CPA6: variants seen among roughly 807,000 people sequenced by gnomAD.
CPA6 encodes carboxypeptidase A6.
In CPA6, 58 loss-of-function variants were observed where a neutral mutation model predicts 63.3. That is an observed-to-expected ratio of 0.92 (90% confidence interval 0.74 to 1.14). The LOEUF is 1.14. Among genes scored for constraint, CPA6 ranks in the 50% most tolerant of loss-of-function variants. The pLI, the probability that CPA6 is intolerant of heterozygous loss-of-function variation, is 0.00. For missense variants in CPA6, 565 were observed against 526.6 expected (o/e 1.07, Z -0.71); for synonymous variants, 185 against 179.0 (o/e 1.03, Z -0.27).
At chr8:67,485,971 A>G (rs963422545) in intron 6 of CPA6, among the ~76,000 whole-genome samples, 2 of 152,312 alleles carry the variant, frequency 1.3e-5, no homozygotes, top group Admixed American at 1.3e-4. Flanking sequence ...TGAGTTTAAA[A>G]TTATCGTGAC....
Position 67,517,971 on chromosome 8 carries a change from C to T in CPA6, c.269G>A (p.Gly90Asp), listed in dbSNP as rs759587569. ...TAAGAAGGCTAACAGGGCTCGGGAA[C>T]CATTTTGGGGGATATGGACATCAGT... ...TVTDVHIPQN[G>D]SRALLAFLQE... Residue 90 changes from glycine to aspartate, a missense_variant, in exon 3 of 11, where the codon GGT becomes GAT. By Grantham distance (94) the Gly-to-Asp change is moderately conservative. Transcript: ENST00000297770. The T allele has an allele frequency of 1.6e-5, 25 of 1,612,762 alleles. No homozygotes were observed. The East Asian group carries it at 5.6e-4, about 36-fold the overall frequency.
chr8:67,693,529 C>T (rs1816854183), intron 1 of CPA6, among the ~76,000 whole-genome samples: 6 of 152,162 alleles, frequency 3.9e-5, no homozygotes, highest in Admixed American at 3.9e-4. Context: ...TCCTAACTCC[C>T]ATGTGATGGT....
chr8:67,739,405 G>A (rs1817872042), intron 1 of CPA6, among the ~76,000 whole-genome samples: 1 of 152,192 alleles, frequency 6.6e-6, no homozygotes, highest in Admixed American at 6.5e-5. Context: ...AGAGCTAGAA[G>A]GAAGTTCCAG....
At chr8:67,604,489 T>C (rs1456831301) in intron 2 of CPA6, among the ~76,000 whole-genome samples, 1 of 152,208 alleles carries the variant, frequency 6.6e-6, no homozygotes, top group African/African-American at 2.4e-5. Context: ...CCTTTTTCCC[T>C]GCTTTACGTT....
chr8:67,710,434 G>C (rs970507025), intron 1 of CPA6, among the ~76,000 whole-genome samples: 23 of 130,340 alleles, frequency 1.8e-4, no homozygotes, highest in African/African-American at 6.9e-4. Flanking sequence ...CCGAAAGATG[G>C]CTTTGCAGGG....
At chr8:67,437,899 T>C (rs1350479240) in intron 8 of CPA6, among the ~76,000 whole-genome samples, 1 of 144,932 alleles carries the variant, frequency 6.9e-6, no homozygotes, top group Non-Finnish European at 1.5e-5. Context: ...CTAATTAAAA[T>C]TTCTCCACAA....
At chr8:67,575,726 C>T (rs1813606293) in intron 2 of CPA6, among the ~76,000 whole-genome samples, 1 of 151,796 alleles carries the variant, frequency 6.6e-6, no homozygotes, top group Non-Finnish European at 1.5e-5. Context: ...GGCATGCTGG[C>T]AGGTGCCTGT....
chr8:67,634,223 A>G lies in CPA6; in HGVS notation c.117-9972T>C, dbSNP rs372030643. Among the ~76,000 whole-genome samples the G allele has an allele frequency of 1.2e-3, 139 of 118,878 alleles. 6 individuals are homozygous for G. The highest frequency in any genetic ancestry group is 4.5e-3 in the African/African-American group (130 of 28,782). 78.0% of individuals were successfully genotyped at this position (118,878 alleles called of 152,430 possible). On this transcript the variant is annotated intron_variant, in intron 1 of 10. Transcript: ENST00000297770. ...ATTATTATTATTATTATTATTATTTATTTGTTTTTTTTTTGAGACGGAGTC... is the reference window on the plus strand; with the variant it reads ...ATTATTATTATTATTATTATTATTTGTTTGTTTTTTTTTTGAGACGGAGTC...
chr8:67,456,881 T>C (rs1810688722), intron 8 of CPA6, among the ~76,000 whole-genome samples: 1 of 151,854 alleles, frequency 6.6e-6, no homozygotes, highest in Non-Finnish European at 1.5e-5. Flanking sequence ...AGCAGAAGAG[T>C]GGACAGATTC....
At chr8:67,506,222 G>A (rs998858166) in intron 6 of CPA6, among the ~76,000 whole-genome samples, 2 of 152,116 alleles carry the variant, frequency 1.3e-5, no homozygotes, top group African/African-American at 4.8e-5. Context: ...TTAAGAAAAT[G>A]AGAAATCACC....
intron 2 of CPA6, among the ~76,000 whole-genome samples, chr8:67,605,079 C>CA (rs1409714366): frequency 1.0e-5 from 1 of 99,098 alleles, no homozygotes; most frequent in South Asian, 3.4e-4. Context: ...TGCCCAGCCA[C>CA]GTTTTTTTTT....
At chr8:67,737,825 T>C (rs1031931979) in intron 1 of CPA6, among the ~76,000 whole-genome samples, 34 of 152,190 alleles carry the variant, frequency 2.2e-4, no homozygotes, top group African/African-American at 8.0e-4. Flanking sequence ...TCACCAAAAG[T>C]GGTGTTGTCA....
intron 1 of CPA6, among the ~76,000 whole-genome samples, chr8:67,633,966 C>T (rs957820447): frequency 6.6e-6 from 1 of 151,792 alleles, no homozygotes; most frequent in African/African-American, 2.4e-5. Flanking sequence ...TGTCTAAGTG[C>T]GGATATGTGA....
chr8:67,478,231 T>C (rs984942564), intron 8 of CPA6, among the ~76,000 whole-genome samples: 3 of 152,060 alleles, frequency 2.0e-5, no homozygotes, highest in Admixed American at 6.6e-5. Context: ...CACATGGAGG[T>C]TCATGGAGGG....
intron 1 of CPA6, among the ~76,000 whole-genome samples, chr8:67,724,003 GAT>G (rs1247483193): frequency 1.3e-5 from 2 of 152,234 alleles, no homozygotes; most frequent in South Asian, 2.1e-4. Flanking sequence ...ATGTGTTACA[GAT>G]ATGATACACA....
intron 2 of CPA6, among the ~76,000 whole-genome samples, chr8:67,562,946 T>C (rs948720128): frequency 2.0e-5 from 3 of 152,192 alleles, no homozygotes; most frequent in Non-Finnish European, 4.4e-5. Flanking sequence ...ATATACTATA[T>C]TGCAATGGTA....
At chr8:67,553,530 G>A (rs1471166346) in intron 2 of CPA6, among the ~76,000 whole-genome samples, 1 of 152,150 alleles carries the variant, frequency 6.6e-6, no homozygotes, top group Non-Finnish European at 1.5e-5. Context: ...ACTAGAAGTA[G>A]TTTTATGAGC....
intron 2 of CPA6, among the ~76,000 whole-genome samples, chr8:67,598,765 C>T (rs1430510080): frequency 6.6e-6 from 1 of 152,086 alleles, no homozygotes; most frequent in Admixed American, 6.6e-5. Flanking sequence ...TATGTCTAAA[C>T]AAATACATTT....
chr8:67,461,129 T>C lies in CPA6; in HGVS notation c.838+22639A>G, dbSNP rs572031223. Among the ~76,000 whole-genome samples, 8 of 147,128 alleles carry C rather than the reference T, an allele frequency of 5.4e-5. No individual in the cohort carries two copies. In the South Asian group the frequency reaches 1.6e-3, roughly 29 times the overall value. On this transcript the variant is annotated intron_variant, in intron 8 of 10. Transcript: ENST00000297770. ...CGCAGAGGGGGATTTGGCAGGGTCG[T>C]AGGACAATAGTGGAGGGAAGGTCGG...
Sources: allele counts gnomAD v4.1 joint callset (sites outside exome capture counted in the v4.1 genomes callset), GRCh38; gene constraint gnomAD v4.1.1; transcripts MANE v1.5; gene names NCBI Gene and HGNC (gene_info 2026-07-23, HGNC 2026-07-21).